Variants in CCSER1 observed in about 807,000 individuals in gnomAD.
CCSER1 encodes the protein serine-rich coiled-coil domain-containing protein 1.
Under a neutral mutation model 82.0 loss-of-function variants are expected in CCSER1, and 41 were observed. The observed-to-expected ratio is 0.50, with a 90% CI of 0.39 to 0.65. CCSER1 has a LOEUF of 0.65. CCSER1 is among the 30% of genes least tolerant of loss of function. The pLI is 0.00. For missense variants in CCSER1, 1,119 were observed against 1,064.2 expected (o/e 1.05, Z -0.72); for synonymous variants, 414 against 383.9 (o/e 1.08, Z -0.92).
chr4:90,223,684 T>C (rs1272484484), intron 1 of CCSER1, among the ~76,000 whole-genome samples: 1 of 152,214 alleles, frequency 6.6e-6, no homozygotes, highest in Non-Finnish European at 1.5e-5. Context: ...ATGTGTTAAA[T>C]GTATACACTG....
chr4:90,246,486 A>G (rs907625462), intron 1 of CCSER1, among the ~76,000 whole-genome samples: 2 of 152,168 alleles, frequency 1.3e-5, no homozygotes, highest in Non-Finnish European at 2.9e-5. Flanking sequence ...ATGGACTACT[A>G]TAAGAGCATG....
chr4:90,377,640 C>T lies in CCSER1; in HGVS notation c.1510-22396C>T, dbSNP rs549801028. On this transcript the variant is annotated intron_variant, in intron 3 of 10. Transcript: ENST00000509176. Reference sequence around the variant, plus strand: ...AACAAAATAACCAGAGAATACATGCCTTATTTTTGGAAACGTAAATATTAC... The same window carrying T: ...AACAAAATAACCAGAGAATACATGCTTTATTTTTGGAAACGTAAATATTAC... Among the ~76,000 whole-genome samples, 92 of 152,126 alleles carry T rather than the reference C, an allele frequency of 6.0e-4. 1 individual carries two copies. Among genetic ancestry groups the T allele is most frequent in the African/African-American group, 2.1e-3 (86 of 41,530 alleles).
rs149616513 is a variant in CCSER1, at chr4:90,348,450, A to G, written c.1509+35403A>G. Among the ~76,000 whole-genome samples, 97 of 152,234 alleles carry G rather than the reference A, an allele frequency of 6.4e-4. 1 individual carries two copies. The East Asian group carries it at 0.017, about 27-fold the overall frequency. On this transcript the variant is annotated intron_variant, in intron 3 of 10. Coordinates refer to ENST00000509176, the MANE Select transcript of CCSER1 (RefSeq NM_001145065.2). ...ATTCAATTATTCACATGTATCTTGGACATTAACATTCTTATCTCAATAGGG... is the reference window on the plus strand; with the variant it reads ...ATTCAATTATTCACATGTATCTTGGGCATTAACATTCTTATCTCAATAGGG...
chr4:90,301,035 T>C (rs1323883659), intron 1 of CCSER1, among the ~76,000 whole-genome samples: 1 of 152,088 alleles, frequency 6.6e-6, no homozygotes, highest in Admixed American at 6.6e-5. Flanking sequence ...GTTCTCCCTA[T>C]GTTGCTCAGG....
At chr4:91,024,592 A>C (rs1050488632) in intron 9 of CCSER1, among the ~76,000 whole-genome samples, 3 of 152,106 alleles carry the variant, frequency 2.0e-5, no homozygotes, top group Non-Finnish European at 2.9e-5. Context: ...GGAGTTTCTA[A>C]TTCTTAAATA....
chr4:90,306,719 T>C (rs1024246102), intron 1 of CCSER1, among the ~76,000 whole-genome samples: 3 of 152,338 alleles, frequency 2.0e-5, no homozygotes, highest in East Asian at 3.9e-4. Context: ...TTAAATTTTG[T>C]ATAGTATTTG....
At chr4:91,078,968 T>A (rs1722356074) in intron 9 of CCSER1, among the ~76,000 whole-genome samples, 2 of 152,012 alleles carry the variant, frequency 1.3e-5, no homozygotes, top group African/African-American at 4.8e-5. Context: ...TACCTGAAAG[T>A]GATGGGGAGA....
At chr4:90,859,105 A>G (rs1386943323) in intron 8 of CCSER1, among the ~76,000 whole-genome samples, 2 of 151,898 alleles carry the variant, frequency 1.3e-5, no homozygotes, top group African/African-American at 4.8e-5. Context: ...GTGACCAGTG[A>G]CCAGGACAAA....
In CCSER1 at chr4:90,440,747, C is replaced by T. The variant is rs562834259; in HGVS notation, c.1604-27487C>T. 4.6e-5 allele frequency among the ~76,000 whole-genome samples: 7 copies of T among 152,168 alleles called. No individual in the cohort carries two copies. The South Asian group carries it at 8.3e-4, about 18-fold the overall frequency. On this transcript the variant is annotated intron_variant, in intron 4 of 10. Transcript: ENST00000509176. Reference sequence around the variant, plus strand: ...AGTTTATCAAGATTTTTAACACAAGCGACTCATGTTTATTTTGAGTTTAAA... The same window carrying T: ...AGTTTATCAAGATTTTTAACACAAGTGACTCATGTTTATTTTGAGTTTAAA...
intron 4 of CCSER1, among the ~76,000 whole-genome samples, chr4:90,419,474 T>G (rs2153559979): frequency 6.6e-6 from 1 of 152,052 alleles, no homozygotes; most frequent in East Asian, 1.9e-4. Context: ...GTTAAAGAAC[T>G]TATTCAGCCA....
At chr4:90,396,557 T>A (rs1369326787) in intron 3 of CCSER1, among the ~76,000 whole-genome samples, 1 of 152,200 alleles carries the variant, frequency 6.6e-6, no homozygotes, top group South Asian at 2.1e-4. Flanking sequence ...AGTACCTTTT[T>A]ATATCCTTCA....
At chr4:91,566,142 G>A (rs186552472) in intron 10 of CCSER1, among the ~76,000 whole-genome samples, 8 of 152,226 alleles carry the variant, frequency 5.3e-5, no homozygotes, top group African/African-American at 1.9e-4. Context: ...TGTCTATTGA[G>A]ATAATCATGT....
intron 10 of CCSER1, among the ~76,000 whole-genome samples, chr4:91,171,704 T>C (rs1309717051): frequency 6.6e-6 from 1 of 152,146 alleles, no homozygotes; most frequent in East Asian, 1.9e-4. Flanking sequence ...CTAAATTGTG[T>C]ATCTCATATA....
chr4:90,770,708 ACTCT>A lies in CCSER1; in HGVS notation c.2011-45048_2011-45045del, dbSNP rs377053302. Among the ~76,000 whole-genome samples, 516 of 151,482 alleles carry A rather than the reference ACTCT, an allele frequency of 3.4e-3. 6 individuals are homozygous for A. Among genetic ancestry groups the A allele is most frequent in the Non-Finnish European group, 3.0e-3 (205 of 67,848 alleles). On this transcript the variant is annotated intron_variant, in intron 7 of 10. Transcript: ENST00000509176. ...TTTATGCCAAATCTCTTTCACTAGC[ACTCT>A]CTCTCACTACAATGCTTCATTATTT... is the stretch of plus-strand genomic sequence containing the variant.
chr4:90,917,826 G>A (rs765437823), intron 8 of CCSER1, among the ~76,000 whole-genome samples: 1 of 151,942 alleles, frequency 6.6e-6, no homozygotes, highest in African/African-American at 2.4e-5. Context: ...TGTCTCAGAA[G>A]GCTGTGAATT....
At chr4:90,535,181 T>A (rs1560677303) in intron 5 of CCSER1, among the ~76,000 whole-genome samples, 1 of 152,204 alleles carries the variant, frequency 6.6e-6, no homozygotes, top group Non-Finnish European at 1.5e-5. Flanking sequence ...ATCTAGAACC[T>A]ATTAATATTT....
chr4:90,628,749 G>A (rs1723795352), intron 6 of CCSER1, among the ~76,000 whole-genome samples: 1 of 152,122 alleles, frequency 6.6e-6, no homozygotes, highest in South Asian at 2.1e-4. Flanking sequence ...CTTGGGCCTA[G>A]TTACTGAAAC....
At chr4:91,324,531 C>T (rs1358552) in intron 10 of CCSER1, among the ~76,000 whole-genome samples, 13,338 of 150,024 alleles carry the variant, frequency 0.089, 861 homozygotes, top group East Asian at 0.22. Flanking sequence ...TTACATAGAA[C>T]AATATTGTAT....
chr4:90,989,504 G>C (rs963348846), intron 9 of CCSER1, among the ~76,000 whole-genome samples: 1 of 151,720 alleles, frequency 6.6e-6, no homozygotes, highest in Non-Finnish European at 1.5e-5. Flanking sequence ...AGCTATCTGA[G>C]ATAGCTTCTG....
Sources: gnomAD v4.1 joint callset for allele counts (sites outside exome capture counted in the v4.1 genomes callset) on GRCh38, gnomAD v4.1.1 for gene constraint, MANE v1.5 for transcripts, NCBI Gene and HGNC (gene_info 2026-07-23, HGNC 2026-07-21) for gene names.